The following SLC14A2 variants were observed in gnomAD, a reference collection of about 807,000 sequenced individuals.
SLC14A2 encodes the protein urea transporter 2.
SLC14A2 carries 91 observed loss-of-function variants against 104.6 expected under a neutral mutation model. That is an observed-to-expected ratio of 0.87 (90% confidence interval 0.73 to 1.04). The LOEUF (loss-of-function observed/expected upper bound fraction) is 1.04, where lower values mean the gene tolerates loss of function less well. Ranked by LOEUF, SLC14A2 falls within the 50% of genes least tolerant of loss-of-function variation. SLC14A2 has a pLI of 0.00. For missense variants in SLC14A2, 1,189 were observed against 1,156.0 expected, an observed-to-expected ratio of 1.03 and a Z score of -0.41; for synonymous variants, 476 against 466.4, an observed-to-expected ratio of 1.02 and a Z score of -0.27.
chr18:45,317,744 GA>G (rs1347285183), intron 1 of SLC14A2, among the ~76,000 whole-genome samples: 2 of 152,138 alleles, frequency 1.3e-5, no homozygotes, highest in Admixed American at 1.3e-4. Flanking sequence ...GGAGCCCCAG[GA>G]CCCCACACTC....
At chr18:45,283,880 C>T (rs1031007540) in intron 1 of SLC14A2, among the ~76,000 whole-genome samples, 1 of 152,130 alleles carries the variant, frequency 6.6e-6, no homozygotes, top group Non-Finnish European at 1.5e-5. Context: ...CACTAGCCCT[C>T]TGTGACTACA....
chr18:45,366,842 C>A (rs1209402109), intron 1 of SLC14A2, among the ~76,000 whole-genome samples: 2 of 152,196 alleles, frequency 1.3e-5, no homozygotes, highest in Non-Finnish European at 2.9e-5. Flanking sequence ...TCAGAGCAGT[C>A]TACCCCCTTC....
chr18:45,327,651 C>T (rs11659270), intron 1 of SLC14A2, among the ~76,000 whole-genome samples: 20,032 of 151,274 alleles, frequency 0.13, 1,397 homozygotes, highest in South Asian at 0.16. Flanking sequence ...CCTTTTGTGT[C>T]TGGCTTCTTT....
intron 1 of SLC14A2, among the ~76,000 whole-genome samples, chr18:45,254,080 C>T (rs1402154185): frequency 6.6e-6 from 1 of 152,092 alleles, no homozygotes; most frequent in African/African-American, 2.4e-5. Context: ...GGTGGGGAGT[C>T]CCAGGTCCTG....
Position 45,637,135 on chromosome 18 carries a change from G to C in SLC14A2, c.796G>C (p.Val266Leu), listed in dbSNP as rs1053459435. 6.2e-7 allele frequency: 1 copy of C among 1,614,214 alleles called. No individual in the cohort carries two copies. The highest frequency in any genetic ancestry group is 1.7e-5 in the Admixed American group (1 of 60,024). ...CTTCCCCACAACACTGGTAGAGCCT[G>C]TGTCTTCAGTGCCCAATATCACCTG... ...LFFPTTLVEPVSSVPNITWTE... is the reference protein window; with the variant it reads ...LFFPTTLVEPLSSVPNITWTE... The change falls in exon 6 of 20, where the codon GTG (valine) becomes CTG (leucine). Residue 266 changes from valine to leucine, a missense_variant. Coordinates refer to ENST00000255226, the MANE Select transcript of SLC14A2 (RefSeq NM_007163.4).
At chr18:45,604,112 C>T (rs1479057291) in intron 2 of SLC14A2, among the ~76,000 whole-genome samples, 1 of 152,168 alleles carries the variant, frequency 6.6e-6, no homozygotes, top group African/African-American at 2.4e-5. Flanking sequence ...TTCACTTTTC[C>T]AATTTTTCTC....
chr18:45,174,664 C>T, the SLC14A2 span, among the ~76,000 whole-genome samples: 1 of 152,124 alleles, frequency 6.6e-6, no homozygotes, highest in Non-Finnish European at 1.5e-5. Flanking sequence ...ACAGAGAATT[C>T]AGGAAAGAAC....
chr18:45,493,599 C>T (rs3898623), intron 2 of SLC14A2, among the ~76,000 whole-genome samples: 5,223 of 152,272 alleles, frequency 0.034, 274 homozygotes, highest in African/African-American at 0.12. Flanking sequence ...AGGATTTGAA[C>T]GAGGCACTCT....
In SLC14A2 at chr18:45,682,878, A is replaced by C. The variant is rs796601023; in HGVS notation, c.*359A>C. ...GGGAGGCCGAGGCGGGTGGATCACG[A>C]GGTCAGGAGATCGAGACCATCCTGG... On this transcript the variant is annotated 3_prime_UTR_variant, in exon 20 of 20. Transcript: ENST00000255226. 2 of 244,136 alleles carry C rather than the reference A, an allele frequency of 8.2e-6. No homozygotes were observed. The highest frequency in any genetic ancestry group is 4.4e-5 in the African/African-American group (2 of 45,222). The allele number at this position is 244,136 out of a possible 1,614,324, so 15.1% of individuals were successfully genotyped here. A position where few individuals can be genotyped will look rare whatever the true frequency, so the allele number is the denominator to read the frequency against.
intron 2 of SLC14A2, among the ~76,000 whole-genome samples, chr18:45,577,269 T>C (rs2044429771): frequency 6.6e-6 from 1 of 152,010 alleles, no homozygotes; most frequent in Non-Finnish European, 1.5e-5. Flanking sequence ...CAAAAGCTTC[T>C]CCAAAGCTAC....
intron 1 of SLC14A2, among the ~76,000 whole-genome samples, chr18:45,413,952 T>TA (rs370895000): frequency 0.013 from 1,943 of 147,292 alleles, 10 homozygotes; most frequent in African/African-American, 0.024. Flanking sequence ...TAATAGAGCG[T>TA]AAAAAAAAAA....
chr18:45,515,434 A>G (rs2043425368), intron 2 of SLC14A2: 1 of 152,212 alleles, frequency 6.6e-6, no homozygotes, highest in African/African-American at 2.4e-5. Context: ...CCATTTTCTC[A>G]TTAAGTAGAC....
At chr18:45,280,439 C>G (rs984839115) in intron 1 of SLC14A2, among the ~76,000 whole-genome samples, 1 of 152,062 alleles carries the variant, frequency 6.6e-6, no homozygotes, top group Non-Finnish European at 1.5e-5. Flanking sequence ...TGATTTTGGT[C>G]GATTGAGGTT....
chr18:45,429,749 TG>T (rs898049913), intron 1 of SLC14A2, among the ~76,000 whole-genome samples: 3 of 152,130 alleles, frequency 2.0e-5, no homozygotes, highest in Non-Finnish European at 2.9e-5. Flanking sequence ...AGTTACCTCC[TG>T]GGGCACCTGG....
intron 1 of SLC14A2, among the ~76,000 whole-genome samples, chr18:45,389,246 C>A (rs1032389796): frequency 6.6e-6 from 1 of 152,190 alleles, no homozygotes; most frequent in Non-Finnish European, 1.5e-5. Context: ...AATTGCAAGA[C>A]AAGTTTGCGA....
At chr18:45,338,252 G>A (rs1345841012) in intron 1 of SLC14A2, among the ~76,000 whole-genome samples, 1 of 152,082 alleles carries the variant, frequency 6.6e-6, no homozygotes, top group East Asian at 1.9e-4. Flanking sequence ...CCAGGCTGGA[G>A]TGCAGTGTCG....
intron 2 of SLC14A2, among the ~76,000 whole-genome samples, chr18:45,496,752 C>T (rs2144747086): frequency 6.6e-6 from 1 of 152,244 alleles, no homozygotes; most frequent in South Asian, 2.1e-4. Context: ...CACTGCACTA[C>T]AGCCTAGGCA....
At chr18:45,576,272 CTTTTTTTTT>C (rs776335445) in intron 2 of SLC14A2, among the ~76,000 whole-genome samples, 2 of 90,698 alleles carry the variant, frequency 2.2e-5, no homozygotes, top group South Asian at 9.3e-4. Flanking sequence ...GGAGCAGGGG[CTTTTTTTTT>C]TTTTTTTTTT....
At chr18:45,441,025 T>C (rs1368190132) in intron 1 of SLC14A2, among the ~76,000 whole-genome samples, 1 of 152,192 alleles carries the variant, frequency 6.6e-6, no homozygotes, top group Admixed American at 6.5e-5. Flanking sequence ...TGGTCTCCTA[T>C]TTTTGCCCAA....
Sources: gnomAD v4.1 joint callset for allele counts (sites outside exome capture counted in the v4.1 genomes callset) on GRCh38, gnomAD v4.1.1 for gene constraint, MANE v1.5 for transcripts, NCBI Gene and HGNC (gene_info 2026-07-23, HGNC 2026-07-21) for gene names.